The following TXNRD3 variants were observed in gnomAD, a reference collection of about 807,000 sequenced individuals.
The protein encoded by TXNRD3 is thioredoxin reductase 3, also known as TXNRD3 neighbor gene protein.
Under a neutral mutation model 78.2 loss-of-function variants are expected in TXNRD3, and 68 were observed. That is an observed-to-expected ratio of 0.87 (90% CI 0.72 to 1.06). The LOEUF (loss-of-function observed/expected upper bound fraction) is 1.06, where lower values mean the gene tolerates loss of function less well. Among genes scored for constraint, TXNRD3 ranks in the 50% least tolerant of loss-of-function variants. The probability of loss-of-function intolerance (pLI) is 0.00; values close to 1 mark genes in which losing one functional copy is unlikely to be tolerated. For synonymous variants in TXNRD3, 296 were observed against 300.1 expected (o/e 0.99, Z 0.14); for missense variants, 751 against 809.5 (o/e 0.93, Z 0.88).
intron 13 of TXNRD3, among the ~76,000 whole-genome samples, chr3:126,615,009 G>A (rs1404834180): frequency 6.6e-6 from 1 of 152,106 alleles, no homozygotes; most frequent in Non-Finnish European, 1.5e-5. Context: ...GACAACCCTG[G>A]AACTTCCCAC....
At chr3:126,653,930 A>G (rs1933447294) in intron 1 of TXNRD3, among the ~76,000 whole-genome samples, 1 of 152,176 alleles carries the variant, frequency 6.6e-6, no homozygotes, top group South Asian at 2.1e-4. Flanking sequence ...CTGCAGAAGA[A>G]TACCTATGTA....
At chr3:126,649,477 C>T (rs1209679920) in intron 1 of TXNRD3, among the ~76,000 whole-genome samples, 1 of 152,188 alleles carries the variant, frequency 6.6e-6, no homozygotes, top group Non-Finnish European at 1.5e-5. Flanking sequence ...CATAATCAAG[C>T]AACTCCATTT....
intron 6 of TXNRD3, among the ~76,000 whole-genome samples, chr3:126,639,606 G>A (rs2107623512): frequency 6.6e-6 from 1 of 152,258 alleles, no homozygotes; most frequent in East Asian, 1.9e-4. Flanking sequence ...ATCTCATTCT[G>A]TTGCACAGGC....
At chr3:126,622,388 T>C in intron 11 of TXNRD3, 76 bp downstream of exon 11, 1 of 988,746 alleles carries the variant, frequency 1.0e-6, no homozygotes, top group Non-Finnish European at 1.4e-6. Context: ...AGTAATTAAA[T>C]GAGAATTTCT....
intron 9 of TXNRD3, among the ~76,000 whole-genome samples, chr3:126,629,812 A>T (rs530092392): frequency 6.6e-6 from 1 of 152,358 alleles, no homozygotes; most frequent in South Asian, 2.1e-4. Flanking sequence ...ATATTTAGGT[A>T]AAAAATCTAG....
chr3:126,615,310 G>T, intron 13 of TXNRD3, 45 bp downstream of exon 13: 1 of 945,458 alleles, frequency 1.1e-6, no homozygotes, highest in Non-Finnish European at 1.5e-6. Context: ...ATAAATTGTT[G>T]ATTAAAAGAG....
At position 126,644,367 on chromosome 3, in the gene TXNRD3, T is replaced by G; in HGVS notation, c.449A>C (p.Gln150Pro). 1.3e-6 allele frequency: 2 copies of G among 1,536,316 alleles called. No individual in the cohort carries two copies. The highest frequency in any genetic ancestry group is 1.7e-6 in the Non-Finnish European group (2 of 1,146,938). ...ATCATAATCATATGCCAAATCTTCC[T>G]GAAGGAGCTTCTGTAACAAACCACT... The change falls in exon 4 of 16, where the codon CAG becomes CCG. Residue 150 changes from glutamine to proline, a missense_variant. By Grantham distance (76) the Gln-to-Pro change is moderately conservative. Transcript: ENST00000524230.
intron 14 of TXNRD3, among the ~76,000 whole-genome samples, chr3:126,609,902 A>G (rs9857786): frequency 0.59 from 90,005 of 151,986 alleles, 27,157 homozygotes; most frequent in Non-Finnish European, 0.66. Flanking sequence ...GTCTCTCCCT[A>G]CTCCCTTTGG....
intron 14 of TXNRD3, 61 bp downstream of exon 14, chr3:126,610,976 A>C: frequency 1.8e-6 from 2 of 1,087,126 alleles, no homozygotes; most frequent in South Asian, 3.8e-5. Flanking sequence ...AAATCCAAAT[A>C]CTAAAAATAA....
At chr3:126,616,019 A>C (rs1938311770) in intron 12 of TXNRD3, among the ~76,000 whole-genome samples, 1 of 152,186 alleles carries the variant, frequency 6.6e-6, no homozygotes, top group African/African-American at 2.4e-5. Context: ...AATACACCGC[A>C]GGGACAAGGA....
intron 10 of TXNRD3, among the ~76,000 whole-genome samples, chr3:126,627,078 A>G (rs965889898): frequency 5.3e-5 from 8 of 152,080 alleles, no homozygotes; most frequent in Non-Finnish European, 1.0e-4. Context: ...ACAGAGTGAA[A>G]CCATCTCTCT....
At position 126,646,189 on chromosome 3, in the gene TXNRD3, T is replaced by C; in HGVS notation, c.336A>G (p.Ser112=). The C allele has an allele frequency of 6.5e-7, 1 of 1,534,950 alleles. No homozygotes were observed. The change falls in exon 3 of 16, where the codon TCA becomes TCG. Residue 112 remains serine (S), a synonymous_variant. Transcript: ENST00000524230. Reference sequence around the variant, plus strand: ...GCACAGTTTTCTGATTAGTGATTTCTGACAGCACTTCTTGAACCCTGGCCC... The same window carrying C: ...GCACAGTTTTCTGATTAGTGATTTCCGACAGCACTTCTTGAACCCTGGCCC...
intron 1 of TXNRD3, 28 bp from the exon 2 acceptor site, chr3:126,647,324 C>T: frequency 6.7e-7 from 1 of 1,482,656 alleles, no homozygotes. Context: ...CTAAGTTTCA[C>T]TCTCAGAAAA....
intron 1 of TXNRD3, among the ~76,000 whole-genome samples, chr3:126,648,843 A>C (rs1436085566): frequency 6.6e-6 from 1 of 152,190 alleles, no homozygotes; most frequent in Non-Finnish European, 1.5e-5. Flanking sequence ...CAACAGACAA[A>C]TAGCACCTCA....
chr3:126,651,829 A>C (rs1462051662), intron 1 of TXNRD3, among the ~76,000 whole-genome samples: 1 of 152,216 alleles, frequency 6.6e-6, no homozygotes, highest in East Asian at 1.9e-4. Context: ...ATCAATCCCA[A>C]GTAGACGTCA....
intron 13 of TXNRD3, 80 bp downstream of exon 13, chr3:126,615,275 G>T (rs1938291380): frequency 1.6e-6 from 1 of 617,926 alleles, no homozygotes; most frequent in Non-Finnish European, 2.6e-6. Flanking sequence ...CTTGCAAAAT[G>T]ATGAAATAAA....
rs77890231 is a variant in TXNRD3 at position 126,629,215 on chromosome 3, G to A, written c.1290+164C>T. 2.5e-3 allele frequency among the ~76,000 whole-genome samples: 384 copies of A among 152,198 alleles called. 1 individual carries two copies. Among genetic ancestry groups the A allele is most frequent in the Non-Finnish European group, 3.7e-3 (252 of 67,988 alleles). ...ACCGTGGTATTCCTCATGCATTACT[G>A]AAAACTCAAATGTCAGTAGCCAAAT... On this transcript the variant is annotated intron_variant, in intron 10 of 15. Coordinates refer to ENST00000524230, the MANE Select transcript of TXNRD3 (RefSeq NM_052883.3).
Position 126,608,595 on chromosome 3 carries a change from G to A in TXNRD3, c.1767C>T (p.Ala589=), listed in dbSNP as rs187433035. ...CTGCAAATCCTTGGGTAACCTCACC[G>A]GCGTTTGGTCCAAGAATATGAAATC... is the stretch of plus-strand genomic sequence containing the variant. The change falls in exon 15 of 16, where the codon GCC becomes GCT. Residue 589 remains alanine (A), a synonymous_variant. Transcript: ENST00000524230. The A allele has an allele frequency of 4.6e-6, 7 of 1,535,754 alleles. No individual in the cohort carries two copies. The highest frequency in any genetic ancestry group is 2.7e-5 in the African/African-American group (2 of 73,116).
chr3:126,643,730 A>T (rs970531749), intron 5 of TXNRD3, among the ~76,000 whole-genome samples: 3 of 151,466 alleles, frequency 2.0e-5, no homozygotes, highest in Non-Finnish European at 4.4e-5. Context: ...TAATTTTTTT[A>T]AAATTTTTTT....
Sources: gnomAD v4.1 joint callset for allele counts (sites outside exome capture counted in the v4.1 genomes callset) on GRCh38, gnomAD v4.1.1 for gene constraint, MANE v1.5 for transcripts, NCBI Gene and HGNC (gene_info 2026-07-23, HGNC 2026-07-21) for gene names.